Variants in SGCD observed in about 807,000 individuals in gnomAD.
SGCD encodes the protein delta-sarcoglycan.
A neutral mutation model predicts 36.6 loss-of-function variants in SGCD; 18 were observed. That is an observed-to-expected ratio of 0.49 (90% CI 0.34 to 0.73). SGCD has a LOEUF of 0.73. Among genes scored for constraint, SGCD ranks in the 30% least tolerant of loss-of-function variants. The probability of loss-of-function intolerance (pLI) is 0.01; values close to 1 mark genes in which losing one functional copy is unlikely to be tolerated. For missense variants in SGCD, 387 were observed against 346.7 expected (o/e 1.12, Z -0.92); for synonymous variants, 133 against 130.6 (o/e 1.02, Z -0.12).
Position 155,873,576 on chromosome 5 carries a change from A to G in SGCD, c.-282+3152A>G, listed in dbSNP as rs568184432. Among the ~76,000 whole-genome samples the G allele has an allele frequency of 6.8e-4, 104 of 152,274 alleles. No individual in the cohort carries two copies. The South Asian group carries it at 7.9e-3, about 12-fold the overall frequency. On this transcript the variant is annotated intron_variant, in intron 1 of 9. Transcript: ENST00000517913. The stretch of plus-strand genomic sequence containing the variant: ...GAAATTATAATACTTAATGGATACA[A>G]TGCACACTATTCAGGTGATGGCTGC...
chr5:156,737,745 T>G (rs1006764214), intron 7 of SGCD, among the ~76,000 whole-genome samples: 1 of 152,200 alleles, frequency 6.6e-6, no homozygotes, highest in African/African-American at 2.4e-5. Context: ...GCAGTATACT[T>G]ACATTGACTA....
At chr5:155,864,000 G>A in the SGCD span, among the ~76,000 whole-genome samples, 1 of 152,184 alleles carries the variant, frequency 6.6e-6, no homozygotes, top group East Asian at 1.9e-4. Flanking sequence ...GCTAAGGAGA[G>A]GAGGAATGGG....
intron 1 of SGCD, among the ~76,000 whole-genome samples, chr5:156,035,843 C>T (rs1361269792): frequency 2.0e-5 from 3 of 152,182 alleles, no homozygotes; most frequent in Non-Finnish European, 2.9e-5. Flanking sequence ...AATCTTGAAG[C>T]GTAGCATTTT....
At chr5:156,146,965 A>G (rs1263001409) in intron 3 of SGCD, among the ~76,000 whole-genome samples, 2 of 152,208 alleles carry the variant, frequency 1.3e-5, no homozygotes, top group African/African-American at 2.4e-5. Flanking sequence ...TTGCCAAAGT[A>G]TAATACTCAG....
rs561962509 is a variant in SGCD at position 155,918,757 on chromosome 5, A to T, written c.-282+48333A>T. 2.5e-4 allele frequency among the ~76,000 whole-genome samples: 38 copies of T among 152,300 alleles called. No individual in the cohort carries two copies. The South Asian group carries it at 6.6e-3, about 27-fold the overall frequency. ...TGCCTGCCAATAGCCATTGGATTTC[A>T]ATTTCTGATCCAGTTTTTCTCTCAG... On this transcript the variant is annotated intron_variant, in intron 1 of 9. Coordinates refer to the SGCD transcript ENST00000517913.
At chr5:155,887,588 T>C (rs1273476237) in intron 1 of SGCD, among the ~76,000 whole-genome samples, 1 of 152,220 alleles carries the variant, frequency 6.6e-6, no homozygotes, top group African/African-American at 2.4e-5. Context: ...GCTTCAGTTT[T>C]GCCTCTGTAA....
chr5:155,922,096 C>G (rs528710029), intron 1 of SGCD, among the ~76,000 whole-genome samples: 2 of 152,184 alleles, frequency 1.3e-5, no homozygotes, highest in Non-Finnish European at 2.9e-5. Context: ...CTATTTTTAG[C>G]ATTTGAAAAT....
intron 1 of SGCD, among the ~76,000 whole-genome samples, chr5:156,042,939 T>A (rs1314311973): frequency 1.3e-5 from 2 of 152,136 alleles, no homozygotes; most frequent in African/African-American, 2.4e-5. Context: ...CCTCACCTAG[T>A]GGTCTTTCAT....
Position 156,505,069 on chromosome 5 carries a change from C to T in SGCD, c.193-3532C>T, listed in dbSNP as rs376060954. On this transcript the variant is annotated intron_variant, in intron 3 of 8. Coordinates refer to ENST00000337851, the MANE Select transcript of SGCD (RefSeq NM_000337.6). The stretch of plus-strand genomic sequence containing the variant: ...ATATGTGTTTCTGTGAAAAGGTTTG[C>T]CTCTCCAGCTATCAGAAATGATCAC... 1.4e-4 allele frequency among the ~76,000 whole-genome samples: 21 copies of T among 152,288 alleles called. No individual in the cohort carries two copies. In the East Asian group the frequency reaches 3.3e-3, roughly 24 times the overall value.
intron 3 of SGCD, among the ~76,000 whole-genome samples, chr5:156,451,323 C>T (rs1754003237): frequency 6.6e-6 from 1 of 152,078 alleles, no homozygotes; most frequent in Non-Finnish European, 1.5e-5. Flanking sequence ...CCCAAAGGAC[C>T]TTGATTAATG....
At chr5:155,794,232 A>G in the SGCD span, among the ~76,000 whole-genome samples, 1 of 152,178 alleles carries the variant, frequency 6.6e-6, no homozygotes, top group African/African-American at 2.4e-5. Context: ...GCAGAAAAAA[A>G]GGCAAATCTG....
intron 3 of SGCD, among the ~76,000 whole-genome samples, chr5:156,346,709 A>G (rs1768962680): frequency 6.6e-6 from 1 of 152,190 alleles, no homozygotes; most frequent in Admixed American, 6.5e-5. Context: ...TAATAGTTCT[A>G]GAGTATTAGA....
chr5:155,811,619 C>G, the SGCD span, among the ~76,000 whole-genome samples: 1 of 152,128 alleles, frequency 6.6e-6, no homozygotes, highest in African/African-American at 2.4e-5. Flanking sequence ...TTAGTTATTG[C>G]GGGATCTGGC....
At chr5:156,130,960 CT>C (rs1762307695) in intron 3 of SGCD, among the ~76,000 whole-genome samples, 1 of 152,148 alleles carries the variant, frequency 6.6e-6, no homozygotes, top group Admixed American at 6.5e-5. Context: ...AACTCCTGAC[CT>C]TATGTGATCC....
intron 3 of SGCD, among the ~76,000 whole-genome samples, chr5:156,481,457 TC>T (rs1228417990): frequency 1.3e-5 from 2 of 152,232 alleles, no homozygotes; most frequent in Admixed American, 1.3e-4. Flanking sequence ...AAACTCATAA[TC>T]TAAGTGTCTT....
chr5:156,367,045 C>G (rs1044142113), intron 3 of SGCD, among the ~76,000 whole-genome samples: 9 of 152,136 alleles, frequency 5.9e-5, no homozygotes, highest in Non-Finnish European at 1.3e-4. Flanking sequence ...TAGCTAAGTA[C>G]AGAATAGCCC....
intron 3 of SGCD, among the ~76,000 whole-genome samples, chr5:156,446,830 A>T (rs1271381564): frequency 6.6e-6 from 1 of 152,184 alleles, no homozygotes; most frequent in South Asian, 2.1e-4. Context: ...CAGCTATAAA[A>T]TCGTAGAATT....
rs2127626733 is a variant in SGCD, at chr5:156,180,463, C to T, written c.-44+56444C>T. Among the ~76,000 whole-genome samples, 3 of 152,106 alleles carry T rather than the reference C, an allele frequency of 2.0e-5. No individual in the cohort carries two copies. The Middle Eastern group carries it at 0.01, about 517-fold the overall frequency. On this transcript the variant is annotated intron_variant, in intron 3 of 9. Transcript: ENST00000517913. ...ATTGTGTAGATAAAAACATTTTAAA[C>T]TCTGTAGACAAATTCCTATAGTAAG...
At chr5:156,624,502 A>G (rs559078298) in intron 6 of SGCD, among the ~76,000 whole-genome samples, 1 of 152,056 alleles carries the variant, frequency 6.6e-6, no homozygotes, top group East Asian at 1.9e-4. Flanking sequence ...AATGGTGCGA[A>G]CCCAGGAGGC....
Sources: allele counts gnomAD v4.1 joint callset (sites outside exome capture counted in the v4.1 genomes callset), GRCh38; gene constraint gnomAD v4.1.1; transcripts MANE v1.5; gene names NCBI Gene and HGNC (gene_info 2026-07-23, HGNC 2026-07-21).